PAH: variants seen among roughly 807,000 people sequenced by gnomAD.
PAH encodes phenylalanine hydroxylase, also known as phenylalanine-4-hydroxylase.
In PAH, 64 loss-of-function variants were observed where a neutral mutation model predicts 62.0. The observed-to-expected ratio is 1.03, with a 90% confidence interval of 0.84 to 1.27. The LOEUF is 1.27. Ranked by LOEUF, PAH falls within the 50% of genes most tolerant of loss-of-function variation. The pLI is 0.00. For missense variants in PAH, 579 were observed against 542.8 expected, an observed-to-expected ratio of 1.07 and a Z score of -0.66; for synonymous variants, 195 against 196.2, an observed-to-expected ratio of 0.99 and a Z score of 0.05.
intron 3 of PAH, chr12:102,885,911 C>T (rs1005576560): frequency 5.2e-5 from 8 of 152,550 alleles, no homozygotes; most frequent in Non-Finnish European, 1.2e-4. Flanking sequence ...GTTTTCACCA[C>T]CTCCTCCCAG....
upstream of PAH, chr12:102,958,373 CGCA>C: frequency 2.8e-6 from 4 of 1,447,630 alleles, no homozygotes; most frequent in Non-Finnish European, 3.6e-6. Flanking sequence ...CCGCAGCCGC[CGCA>C]GCGGCAGCGC....
At chr12:102,903,385 C>A (rs28620071) in intron 2 of PAH, among the ~76,000 whole-genome samples, 37 of 109,632 alleles carry the variant, frequency 3.4e-4, no homozygotes, top group Admixed American at 7.0e-4. Context: ...CACACACACA[C>A]AAAAAACAAA....
chr12:102,871,503 T>A (rs1273631971), intron 4 of PAH, among the ~76,000 whole-genome samples: 2 of 152,188 alleles, frequency 1.3e-5, no homozygotes, highest in Non-Finnish European at 2.9e-5. Flanking sequence ...GTGTGTTGTA[T>A]GTTTCTCGTT....
rs777514700 is a variant in PAH, at chr12:102,877,388, G to A, written c.441+74C>T. 7 of 1,017,834 alleles carry A rather than the reference G, an allele frequency of 6.9e-6. No homozygotes were observed. The African/African-American group carries it at 9.5e-5, about 14-fold the overall frequency. 63.1% of individuals were successfully genotyped at this position (1,017,834 alleles called of 1,614,324 possible). On this transcript the variant is annotated intron_variant, in intron 4 of 12. Coordinates refer to ENST00000553106, the MANE Select transcript of PAH (RefSeq NM_000277.3). ...GTGAACAAGTACATTGCTCCAAGTA[G>A]AGAAGGTAAGAGGAAGGGAGGGGAG...
chr12:102,854,997 T>C (rs779379659), intron 6 of PAH, 139 bp downstream of exon 6: 1 of 755,310 alleles, frequency 1.3e-6, no homozygotes, highest in South Asian at 1.5e-5. Context: ...TAGTTCTTCC[T>C]GGAGGAATCA....
At chr12:102,843,205 C>T (rs1006360877) in intron 11 of PAH, among the ~76,000 whole-genome samples, 2 of 152,122 alleles carry the variant, frequency 1.3e-5, no homozygotes, top group Non-Finnish European at 2.9e-5. Flanking sequence ...TACAGACGCA[C>T]TGGTGGCAGG....
chr12:102,900,840 A>G (rs1877724021), intron 2 of PAH, among the ~76,000 whole-genome samples: 1 of 152,118 alleles, frequency 6.6e-6, no homozygotes, highest in African/African-American at 2.4e-5. Flanking sequence ...CGCTCACCAC[A>G]TCTTTGCTGA....
At chr12:102,926,236 G>A (rs1878678186) in intron 1 of PAH, among the ~76,000 whole-genome samples, 1 of 152,022 alleles carries the variant, frequency 6.6e-6, no homozygotes, top group Admixed American at 6.6e-5. Flanking sequence ...GGTTTAAGTC[G>A]GGTGCTGAGG....
intron 1 of PAH, among the ~76,000 whole-genome samples, chr12:102,923,383 A>G (rs1226587868): frequency 6.6e-6 from 1 of 152,182 alleles, no homozygotes. Flanking sequence ...CACACATTGC[A>G]CAGTTTGGTG....
intron 3 of PAH, among the ~76,000 whole-genome samples, chr12:102,881,391 A>G (rs1876807321): frequency 6.6e-6 from 1 of 152,122 alleles, no homozygotes; most frequent in Admixed American, 6.5e-5. Context: ...ATAAATGCAT[A>G]CATCATGGTT....
chr12:102,887,038 C>T (rs765928694), intron 3 of PAH, among the ~76,000 whole-genome samples: 5 of 151,964 alleles, frequency 3.3e-5, no homozygotes, highest in Non-Finnish European at 4.4e-5. Flanking sequence ...CCACATAATT[C>T]ATAACATGCT....
rs1002658705 is a variant in PAH, at chr12:102,846,804, C to T, written c.969+91G>A. ...CATTCTGATTTTTTTCCCCAGATAACCTGGCTTCCAGGGGAGTAGGAAAGT... is the reference window on the plus strand; with the variant it reads ...CATTCTGATTTTTTTCCCCAGATAATCTGGCTTCCAGGGGAGTAGGAAAGT... On this transcript the variant is annotated intron_variant, in intron 9 of 12. Transcript: ENST00000553106. 4 of 1,049,594 alleles carry T rather than the reference C, an allele frequency of 3.8e-6. No individual in the cohort carries two copies. In the Admixed American group the frequency reaches 6.9e-5, roughly 18 times the overall value. 65.0% of individuals were successfully genotyped at this position (1,049,594 alleles called of 1,614,324 possible). A position where few individuals can be genotyped will look rare whatever the true frequency, so the allele number is the denominator to read the frequency against.
At position 102,922,542 on chromosome 12, in the gene PAH, C is replaced by G. The variant is rs1524550; in HGVS notation, c.-95-5317G>C. Among the ~76,000 whole-genome samples the G allele has an allele frequency of 2.0e-5, 3 of 152,094 alleles. No homozygotes were observed. The East Asian group carries it at 5.8e-4, about 29-fold the overall frequency. On this transcript the variant is annotated intron_variant, in intron 1 of 3. Coordinates refer to the PAH transcript ENST00000546844. Reference sequence around the variant, plus strand: ...AACTTAATGATATATCTTGAGGTCACGCTGTTTACTACAGGAAGACCTTAT... The same window carrying G: ...AACTTAATGATATATCTTGAGGTCAGGCTGTTTACTACAGGAAGACCTTAT...
intron 1 of PAH, among the ~76,000 whole-genome samples, chr12:102,938,938 T>C (rs554525683): frequency 2.2e-4 from 34 of 152,278 alleles, no homozygotes; most frequent in African/African-American, 7.9e-4. Flanking sequence ...GTGGAATACC[T>C]AGAAACAACT....
chr12:102,844,200 C>A (rs1874725847), intron 10 of PAH, 136 bp downstream of exon 10: 6 of 708,202 alleles, frequency 8.5e-6, no homozygotes, highest in South Asian at 1.6e-5. Context: ...GCTAAGGTAC[C>A]AATCACTGGA....
Position 102,837,821 on chromosome 12 carries a change from T to C in PAH, c.*1354A>G, listed in dbSNP as rs1222517311. ...ACTGACCACCACAAATCAGGTTTTC[T>C]CAAACTGAATGTACCTGATAGAATT... On this transcript the variant is annotated 3_prime_UTR_variant, in exon 13 of 13. Coordinates refer to ENST00000553106, the MANE Select transcript of PAH (RefSeq NM_000277.3). 1 of 152,180 alleles carries C rather than the reference T, an allele frequency of 6.6e-6. No homozygotes were observed. The highest frequency in any genetic ancestry group is 1.5e-5 in the Non-Finnish European group (1 of 68,028). 9.4% of individuals were successfully genotyped at this position (152,180 alleles called of 1,614,324 possible).
chr12:102,947,758 A>C (rs540921530), intron 1 of PAH, among the ~76,000 whole-genome samples: 1 of 152,320 alleles, frequency 6.6e-6, no homozygotes, highest in East Asian at 1.9e-4. Flanking sequence ...GTTCTCCAGA[A>C]AAAAGAACCA....
Position 102,894,894 on chromosome 12 carries a change from T to C in PAH, c.193A>G (p.Ile65Val), listed in dbSNP as rs199475643. The C allele has an allele frequency of 1.2e-6, 2 of 1,613,850 alleles. No homozygotes were observed. The highest frequency in any genetic ancestry group is 1.1e-5 in the South Asian group (1 of 91,080). Residue 65 changes from isoleucine (I) to valine (V), a missense_variant, in exon 3 of 13, where the codon ATT (isoleucine) becomes GTT (valine). Physicochemically the swap from Ile to Val is conservative, Grantham distance 29. Transcript: ENST00000553106. Reference sequence around the variant, plus strand: ...TTTAAACGAGAAGGTCTAGATTCAATGTGGGTCAGGTTTACATCATTCTCC... The same window carrying C: ...TTTAAACGAGAAGGTCTAGATTCAACGTGGGTCAGGTTTACATCATTCTCC... ...FEENDVNLTH[I>V]ESRPSRLKKD... is the part of the protein sequence containing the mutation.
chr12:102,892,776 A>C (rs1025875671), intron 3 of PAH, among the ~76,000 whole-genome samples: 6 of 152,228 alleles, frequency 3.9e-5, no homozygotes, highest in Admixed American at 3.9e-4. Flanking sequence ...TGGTTGCTGG[A>C]AGGAGTCTGT....
Sources: allele counts gnomAD v4.1 joint callset (sites outside exome capture counted in the v4.1 genomes callset), GRCh38; gene constraint gnomAD v4.1.1; transcripts MANE v1.5; gene names NCBI Gene and HGNC (gene_info 2026-07-23, HGNC 2026-07-21).